The following LPP variants were observed in gnomAD, a reference collection of about 807,000 sequenced individuals.
LPP encodes the protein LIM domain containing preferred translocation partner in lipoma, also known as lipoma-preferred partner.
A neutral mutation model predicts 60.4 loss-of-function variants in LPP; 38 were observed. That is an observed-to-expected ratio of 0.63 (90% CI 0.49 to 0.83). The LOEUF (loss-of-function observed/expected upper bound fraction) is 0.83, where lower values mean the gene tolerates loss of function less well. Among genes scored for constraint, LPP ranks in the 40% least tolerant of loss-of-function variants. The pLI is 0.00. For synonymous variants in LPP, 328 were observed against 290.8 expected (o/e 1.13, Z -1.30); for missense variants, 902 against 783.6 (o/e 1.15, Z -1.80).
At chr3:188,506,837 G>A (rs1813614281) in intron 5 of LPP, among the ~76,000 whole-genome samples, 2 of 151,856 alleles carry the variant, frequency 1.3e-5, no homozygotes, top group Non-Finnish European at 2.9e-5. Context: ...TTGCTCTGTT[G>A]CCCAGGCTGG....
chr3:188,229,627 A>G (rs1719104257), intron 2 of LPP, among the ~76,000 whole-genome samples: 1 of 152,220 alleles, frequency 6.6e-6, no homozygotes, highest in South Asian at 2.1e-4. Context: ...CAGTCCCCTG[A>G]AACTCTATGG....
chr3:188,476,693 T>C (rs1056257449), intron 4 of LPP, among the ~76,000 whole-genome samples: 3 of 152,152 alleles, frequency 2.0e-5, no homozygotes, highest in Admixed American at 6.5e-5. Context: ...AATAGTAATG[T>C]TTTCTAGTTA....
chr3:188,230,773 CA>C (rs760774253), intron 2 of LPP, among the ~76,000 whole-genome samples: 2,643 of 106,374 alleles, frequency 0.025, 55 homozygotes, highest in African/African-American at 0.079. Flanking sequence ...AACTCTGTCT[CA>C]AAAAAAAAAA....
intron 7 of LPP, among the ~76,000 whole-genome samples, chr3:188,683,093 A>G (rs2149383545): frequency 6.6e-6 from 1 of 152,242 alleles, no homozygotes; most frequent in Non-Finnish European, 1.5e-5. Flanking sequence ...AGTCAGTGCA[A>G]AACTGTACAA....
rs571973087 is a variant in LPP at position 188,385,980 on chromosome 3, C to T, written c.-9-20132C>T. On this transcript the variant is annotated intron_variant, in intron 3 of 11. Transcript: ENST00000617246. Reference sequence around the variant, plus strand: ...CTTTTGTATGTCAAATTTTACTTGGCTTCTCCCTCACCCTGACTCCTAGTC... The same window carrying T: ...CTTTTGTATGTCAAATTTTACTTGGTTTCTCCCTCACCCTGACTCCTAGTC... 2.0e-5 allele frequency among the ~76,000 whole-genome samples: 3 copies of T among 152,242 alleles called. 1 individual carries two copies. Among genetic ancestry groups the T allele is most frequent in the African/African-American group, 7.2e-5 (3 of 41,554 alleles).
At chr3:188,536,926 A>T (rs1208413658) in intron 6 of LPP, among the ~76,000 whole-genome samples, 2 of 152,162 alleles carry the variant, frequency 1.3e-5, no homozygotes, top group Non-Finnish European at 2.9e-5. Flanking sequence ...ACCATTCAGG[A>T]ATCTTCTTCT....
intron 2 of LPP, among the ~76,000 whole-genome samples, chr3:188,297,405 A>G (rs1039389823): frequency 6.6e-6 from 1 of 152,212 alleles, no homozygotes; most frequent in African/African-American, 2.4e-5. Flanking sequence ...ATTCCGTAAT[A>G]CTACAATAGA....
intron 2 of LPP, among the ~76,000 whole-genome samples, chr3:188,234,022 A>T (rs192197824): frequency 6.6e-6 from 1 of 152,222 alleles, no homozygotes; most frequent in Non-Finnish European, 1.5e-5. Context: ...TGGTTCCCAC[A>T]AATAGCATCC....
At chr3:188,179,382 C>T (rs964011737) in intron 1 of LPP, 21 of 457,900 alleles carry the variant, frequency 4.6e-5, no homozygotes, top group Admixed American at 2.3e-4. Flanking sequence ...GTTCATTTCC[C>T]GCCTTGTTCC....
chr3:188,736,616 T>G (rs1051867071), intron 8 of LPP, among the ~76,000 whole-genome samples: 1 of 152,088 alleles, frequency 6.6e-6, no homozygotes, highest in African/African-American at 2.4e-5. Flanking sequence ...TTTAAATGTC[T>G]CATATCTGTC....
chr3:188,431,413 C>G (rs968631981), intron 4 of LPP, among the ~76,000 whole-genome samples: 1 of 152,138 alleles, frequency 6.6e-6, no homozygotes, highest in East Asian at 1.9e-4. Flanking sequence ...CAAGAATAAA[C>G]CCAACCCTAG....
rs982198937 is a variant in LPP, at chr3:188,353,298, G to C, written c.-10+11579G>C. Among the ~76,000 whole-genome samples, 3 of 152,180 alleles carry C rather than the reference G, an allele frequency of 2.0e-5. No individual in the cohort carries two copies. The East Asian group carries it at 5.8e-4, about 29-fold the overall frequency. On this transcript the variant is annotated intron_variant, in intron 3 of 11. Transcript: ENST00000617246. ...TAAACACAGGATGAGCATCCAGTAA[G>C]TTTTTGTTGAGTTGAACTTAGTTGG... is the stretch of plus-strand genomic sequence containing the variant.
At chr3:188,812,833 T>C (rs1751426416) in intron 9 of LPP, among the ~76,000 whole-genome samples, 1 of 151,940 alleles carries the variant, frequency 6.6e-6, no homozygotes, top group Admixed American at 6.6e-5. Flanking sequence ...GTATTATATC[T>C]AAGAAATTTT....
intron 8 of LPP, among the ~76,000 whole-genome samples, chr3:188,744,763 A>G (rs543926078): frequency 4.9e-4 from 75 of 152,254 alleles, no homozygotes; most frequent in Non-Finnish European, 9.9e-4. Flanking sequence ...GCTAAAATGT[A>G]TATATGGTCA....
intron 9 of LPP, among the ~76,000 whole-genome samples, chr3:188,772,537 C>T (rs1229361172): frequency 6.6e-6 from 1 of 151,904 alleles, no homozygotes; most frequent in Non-Finnish European, 1.5e-5. Flanking sequence ...CTCTGTAGCC[C>T]AGGCTGGAGT....
chr3:188,378,827 A>G (rs981728453), intron 3 of LPP, among the ~76,000 whole-genome samples: 2 of 152,164 alleles, frequency 1.3e-5, no homozygotes, highest in African/African-American at 2.4e-5. Context: ...TGTAGACTGG[A>G]GGTGTTCCTA....
At chr3:188,165,931 C>T (rs760290470) in intron 1 of LPP, among the ~76,000 whole-genome samples, 1 of 152,106 alleles carries the variant, frequency 6.6e-6, no homozygotes, top group African/African-American at 2.4e-5. Context: ...ACGGAACATA[C>T]GGCTTTTGAG....
chr3:188,171,497 G>C (rs1374724464), intron 1 of LPP, among the ~76,000 whole-genome samples: 7 of 152,144 alleles, frequency 4.6e-5, no homozygotes, highest in Non-Finnish European at 1.0e-4. Context: ...TATGGATGCT[G>C]TCCACTCTGA....
chr3:188,492,835 T>G (rs1488158669), intron 5 of LPP, among the ~76,000 whole-genome samples: 1 of 152,260 alleles, frequency 6.6e-6, no homozygotes, highest in Non-Finnish European at 1.5e-5. Flanking sequence ...CAAATGATGC[T>G]TGAACATTCT....
Sources: gnomAD v4.1 joint callset for allele counts (sites outside exome capture counted in the v4.1 genomes callset) on GRCh38, gnomAD v4.1.1 for gene constraint, MANE v1.5 for transcripts, NCBI Gene and HGNC (gene_info 2026-07-23, HGNC 2026-07-21) for gene names.